The following FAM193A variants were observed in gnomAD, a reference collection of about 807,000 sequenced individuals.
FAM193A encodes family with sequence similarity 193 member A.
Under a neutral mutation model 126.5 loss-of-function variants are expected in FAM193A, and 22 were observed. The ratio of observed to expected loss-of-function variants is 0.17; its 90% CI spans 0.12 to 0.25. FAM193A has a LOEUF of 0.25. Among genes scored for constraint, FAM193A ranks in the 10% least tolerant of loss-of-function variants. FAM193A has a pLI of 1.00. For synonymous variants in FAM193A, 761 were observed against 646.8 expected, an observed-to-expected ratio of 1.18 and a Z score of -2.68; for missense variants, 1,675 against 1,672.8, an observed-to-expected ratio of 1.00 and a Z score of -0.02.
chr4:2,548,071 ATTTTT>A (rs35770924), intron 1 of FAM193A, among the ~76,000 whole-genome samples: 1 of 127,788 alleles, frequency 7.8e-6, no homozygotes, highest in Non-Finnish European at 1.7e-5. Context: ...GACTTTGCCT[ATTTTT>A]TTTTTTTTTT....
intron 1 of FAM193A, among the ~76,000 whole-genome samples, chr4:2,552,008 ATTTTT>A (rs71178476): frequency 8.9e-6 from 1 of 111,732 alleles, no homozygotes. Flanking sequence ...GTCTGGGTAA[ATTTTT>A]TTTTTTTTTT....
At chr4:2,618,228 T>C (rs566484790) in intron 2 of FAM193A, among the ~76,000 whole-genome samples, 1 of 152,266 alleles carries the variant, frequency 6.6e-6, no homozygotes, top group South Asian at 2.1e-4. Context: ...TTGCTTTGTG[T>C]TTAGTGTGCT....
chr4:2,561,489 A>G (rs1270003478), intron 1 of FAM193A, among the ~76,000 whole-genome samples: 1 of 123,752 alleles, frequency 8.1e-6, no homozygotes, highest in Non-Finnish European at 1.7e-5. Context: ...GGCTGCTTGT[A>G]GAGATTTCTT....
chr4:2,590,475 ACAAAAAAAAACAAAAAAAAAC>A (rs1740479159), intron 1 of FAM193A, among the ~76,000 whole-genome samples: 2 of 81,500 alleles, frequency 2.5e-5, no homozygotes, highest in African/African-American at 1.3e-4. Flanking sequence ...AAAAAAAAAA[ACAAAAAAAAACAAAAAAAAAC>A]AAAAAAAAAC....
chr4:2,721,814 C>T (rs1577275059), intron 20 of FAM193A, among the ~76,000 whole-genome samples: 1 of 152,230 alleles, frequency 6.6e-6, no homozygotes, highest in African/African-American at 2.4e-5. Context: ...TAGAGGTTCT[C>T]CTGCATGTCC....
intron 1 of FAM193A, among the ~76,000 whole-genome samples, chr4:2,586,496 T>A (rs550136156): frequency 6.6e-6 from 1 of 152,288 alleles, no homozygotes; most frequent in African/African-American, 2.4e-5. Flanking sequence ...GGCCATTCTT[T>A]CCATAGTATT....
At chr4:2,539,519 A>G (rs562491856) in intron 1 of FAM193A, among the ~76,000 whole-genome samples, 1 of 151,540 alleles carries the variant, frequency 6.6e-6, no homozygotes, top group South Asian at 2.1e-4. Flanking sequence ...TTTCTGGGCT[A>G]AGCAGTCCTT....
chr4:2,612,864 A>G (rs1012680909), intron 2 of FAM193A, among the ~76,000 whole-genome samples: 1 of 152,164 alleles, frequency 6.6e-6, no homozygotes, highest in Non-Finnish European at 1.5e-5. Flanking sequence ...ATGTCTACCA[A>G]CTTTCTTCTT....
At chr4:2,599,397 C>T (rs1313474869) in intron 2 of FAM193A, among the ~76,000 whole-genome samples, 2 of 152,100 alleles carry the variant, frequency 1.3e-5, no homozygotes, top group African/African-American at 4.8e-5. Flanking sequence ...TATCAATTGT[C>T]CTGCTCTGTC....
intron 5 of FAM193A, among the ~76,000 whole-genome samples, chr4:2,635,827 C>T (rs576782046): frequency 3.9e-5 from 6 of 152,294 alleles, no homozygotes; most frequent in African/African-American, 7.2e-5. Flanking sequence ...CGTGAGCCAG[C>T]GCACCCGGCC....
Position 2,700,140 on chromosome 4 carries a change from T to C in FAM193A, c.3968T>C (p.Phe1323Ser). 6.2e-7 allele frequency: 1 copy of C among 1,613,570 alleles called. No homozygotes were observed. The highest frequency in any genetic ancestry group is 8.5e-7 in the Non-Finnish European group (1 of 1,179,958). ...GGGAAGCAGCATGAGCCACTCTCTT[T>C]TTTCTTCGACATCATGCAGCACCAT... ...VNGKQHEPLS[F>S]FFDIMQHHKE... Residue 1323 changes from phenylalanine (F) to serine (S), a missense_variant, in exon 19 of 21, where the codon TTT becomes TCT. By Grantham distance (155) the Phe-to-Ser change is radical. This residue lies in a region of FAM193A where 415 missense variants were observed against 396.7 expected (regional missense o/e 1.05). Coordinates refer to ENST00000637812, the MANE Select transcript of FAM193A (RefSeq NM_001366318.2).
At chr4:2,645,033 AAT>A (rs887854505) in intron 6 of FAM193A, among the ~76,000 whole-genome samples, 4 of 77,004 alleles carry the variant, frequency 5.2e-5, no homozygotes, top group East Asian at 6.0e-4. Context: ...TATATACATG[AAT>A]GTGTGTGTGT....
chr4:2,700,580 A>T (rs1717606060), intron 19 of FAM193A, 36 bp downstream of exon 19: 1 of 1,580,206 alleles, frequency 6.3e-7, no homozygotes, highest in Admixed American at 1.8e-5. Context: ...TTTCTGAGCG[A>T]TGCCTGGTTT....
intron 1 of FAM193A, among the ~76,000 whole-genome samples, chr4:2,558,310 A>G (rs1426233355): frequency 3.3e-5 from 5 of 152,030 alleles, no homozygotes; most frequent in East Asian, 3.9e-4. Flanking sequence ...ATAGTGTACT[A>G]CAATCTAATT....
chr4:2,697,674 G>A (rs1717189452), intron 18 of FAM193A, among the ~76,000 whole-genome samples: 1 of 152,226 alleles, frequency 6.6e-6, no homozygotes. Context: ...TGTTGTGATT[G>A]TTCTACCCTC....
chr4:2,682,323 GTGTT>G (rs575365449), intron 13 of FAM193A, among the ~76,000 whole-genome samples: 17 of 152,076 alleles, frequency 1.1e-4, no homozygotes, highest in African/African-American at 3.9e-4. Flanking sequence ...ATGTATAGTT[GTGTT>G]TGTTTGTTTT....
At chr4:2,625,869 G>A (rs764359296) in intron 3 of FAM193A, among the ~76,000 whole-genome samples, 5 of 151,966 alleles carry the variant, frequency 3.3e-5, no homozygotes, top group Non-Finnish European at 7.4e-5. Flanking sequence ...GACTACAGGC[G>A]CGCACCACCA....
intron 3 of FAM193A, among the ~76,000 whole-genome samples, chr4:2,625,852 T>G (rs1009954561): frequency 1.3e-5 from 2 of 151,486 alleles, no homozygotes; most frequent in Non-Finnish European, 2.9e-5. Flanking sequence ...TCAGTCCCGG[T>G]ATCTGGGACT....
At chr4:2,694,621 A>G (rs1716824468) in intron 16 of FAM193A, among the ~76,000 whole-genome samples, 1 of 152,146 alleles carries the variant, frequency 6.6e-6, no homozygotes, top group South Asian at 2.1e-4. Flanking sequence ...GTTTGAAGCT[A>G]TACCCCTTTT....
Sources: allele counts gnomAD v4.1 joint callset (sites outside exome capture counted in the v4.1 genomes callset), GRCh38; gene constraint gnomAD v4.1.1; regional missense constraint gnomAD v4.1.1; transcripts MANE v1.5; gene names NCBI Gene and HGNC (gene_info 2026-07-23, HGNC 2026-07-21).